Variants in LNPEP observed in about 807,000 individuals in gnomAD.
LNPEP encodes the protein leucyl and cystinyl aminopeptidase, also known as leucyl-cystinyl aminopeptidase.
Under a neutral mutation model 120.6 loss-of-function variants are expected in LNPEP, and 64 were observed. The ratio of observed to expected loss-of-function variants is 0.53; its 90% CI spans 0.43 to 0.65. The LOEUF is 0.65. Among genes scored for constraint, LNPEP ranks in the 30% least tolerant of loss-of-function variants. The pLI, the probability that LNPEP is intolerant of heterozygous loss-of-function variation, is 0.00. For synonymous variants in LNPEP, 435 were observed against 425.4 expected (o/e 1.02, Z -0.28); for missense variants, 1,057 against 1,200.0 (o/e 0.88, Z 1.76).
rs1791545683 is a variant in LNPEP, at chr5:97,034,985, G to T, written c.*6452G>T. ...ATATACTATACACACACATTTTAAT[G>T]TATATAAATATTTGCTACATTCTGT... On this transcript the variant is annotated 3_prime_UTR_variant, in exon 18 of 18. Transcript: ENST00000231368. 1 of 152,090 alleles carries T rather than the reference G, an allele frequency of 6.6e-6. No individual in the cohort carries two copies. Among genetic ancestry groups the T allele is most frequent in the East Asian group, 1.9e-4 (1 of 5,180 alleles). 9.4% of individuals were successfully genotyped at this position (152,090 alleles called of 1,614,324 possible). A position where few individuals can be genotyped will look rare whatever the true frequency, so the allele number is the denominator to read the frequency against.
intron 11 of LNPEP, among the ~76,000 whole-genome samples, chr5:97,013,122 A>G (rs1294156465): frequency 6.6e-6 from 1 of 152,080 alleles, no homozygotes; most frequent in Non-Finnish European, 1.5e-5. Flanking sequence ...CAGTGCATGG[A>G]TAACATGTAT....
At chr5:96,973,953 C>T (rs530353217) in intron 1 of LNPEP, among the ~76,000 whole-genome samples, 1 of 152,092 alleles carries the variant, frequency 6.6e-6, no homozygotes, top group South Asian at 2.1e-4. Flanking sequence ...GTAAATTTGC[C>T]TTCTCACCAC....
chr5:97,014,006 A>G (rs1791000781), intron 12 of LNPEP, among the ~76,000 whole-genome samples, 175 bp downstream of exon 12: 1 of 152,178 alleles, frequency 6.6e-6, no homozygotes, highest in African/African-American at 2.4e-5. Flanking sequence ...AACATTAGCT[A>G]CGAACATACT....
At chr5:96,997,606 C>T (rs1466653578) in intron 7 of LNPEP, among the ~76,000 whole-genome samples, 4 of 152,010 alleles carry the variant, frequency 2.6e-5, no homozygotes, top group Non-Finnish European at 5.9e-5. Context: ...AAATTCTAGA[C>T]TATATATAAG....
At chr5:97,014,893 C>G (rs1791026691) in intron 12 of LNPEP, 46 bp from the exon 13 acceptor site, 1 of 1,356,652 alleles carries the variant, frequency 7.4e-7, no homozygotes, top group Admixed American at 2.5e-5. Context: ...TAGACTTCTT[C>G]TGTGTGTCTC....
chr5:96,991,973 C>A (rs989917515), intron 4 of LNPEP, among the ~76,000 whole-genome samples: 1 of 152,046 alleles, frequency 6.6e-6, no homozygotes, highest in Non-Finnish European at 1.5e-5. Context: ...TCTACTGTGT[C>A]TAATCTACAT....
At chr5:96,947,523 C>G (rs534170997) in intron 1 of LNPEP, among the ~76,000 whole-genome samples, 1 of 152,152 alleles carries the variant, frequency 6.6e-6, no homozygotes, top group East Asian at 1.9e-4. Flanking sequence ...TGCTATTTGT[C>G]TGTTTTTTAG....
rs193169736 is a variant in LNPEP, at chr5:97,026,707, C to T, written c.2814C>T (p.His938=). The part of the protein sequence containing the change: ...IRTVGRHFPG[H]LLAWDFVKEN... Reference sequence around the variant, plus strand: ...CAGTGGGTCGACATTTTCCTGGACACTTACTGGCATGGGATTTTGTCAAAG... The same window carrying T: ...CAGTGGGTCGACATTTTCCTGGACATTTACTGGCATGGGATTTTGTCAAAG... Residue 938 remains histidine (H), a synonymous_variant, in exon 16 of 18, where the codon CAC becomes CAT. Coordinates refer to ENST00000231368, the MANE Select transcript of LNPEP (RefSeq NM_005575.3). 4 of 1,613,388 alleles carry T rather than the reference C, an allele frequency of 2.5e-6. No homozygotes were observed. The African/African-American group carries it at 5.3e-5, about 22-fold the overall frequency.
chr5:96,948,400 G>A (rs1433427331), intron 1 of LNPEP, among the ~76,000 whole-genome samples: 2 of 152,238 alleles, frequency 1.3e-5, no homozygotes, highest in African/African-American at 4.8e-5. Flanking sequence ...TTACAGGCGT[G>A]AGCCACCACG....
In LNPEP at chr5:97,030,170, A is replaced by C. The variant is rs1791440070; in HGVS notation, c.*1637A>C. The C allele has an allele frequency of 6.6e-6, 1 of 152,026 alleles. No homozygotes were observed. Among genetic ancestry groups the C allele is most frequent in the Admixed American group, 6.5e-5 (1 of 15,278 alleles). 9.4% of individuals were successfully genotyped at this position (152,026 alleles called of 1,614,324 possible). On this transcript the variant is annotated 3_prime_UTR_variant, in exon 18 of 18. Transcript: ENST00000231368. Reference sequence around the variant, plus strand: ...ATTTAAAAGGCTGGTAAGCTAAAAAAATAGTCTTCTTTAATCCTAGTGTGT... The same window carrying C: ...ATTTAAAAGGCTGGTAAGCTAAAAACATAGTCTTCTTTAATCCTAGTGTGT...
intron 1 of LNPEP, among the ~76,000 whole-genome samples, chr5:96,943,426 A>G (rs937018560): frequency 6.6e-6 from 1 of 152,146 alleles, no homozygotes; most frequent in Admixed American, 6.5e-5. Context: ...AACTGGGACC[A>G]CAGGTGCACA....
At chr5:96,985,773 G>T (rs77655175) in intron 3 of LNPEP, among the ~76,000 whole-genome samples, 1,828 of 144,432 alleles carry the variant, frequency 0.013, 43 homozygotes, top group East Asian at 0.07. Flanking sequence ...TTTTTTTTTG[G>T]TCTTAGACAC....
intron 16 of LNPEP, 107 bp from the exon 17 acceptor site, chr5:97,027,626 G>T: frequency 1.4e-6 from 1 of 696,948 alleles, no homozygotes; most frequent in East Asian, 2.6e-5. Context: ...GTTCCGGGAG[G>T]AGGATTCCAC....
At chr5:96,940,400 A>G (rs1789023206) in intron 1 of LNPEP, among the ~76,000 whole-genome samples, 1 of 151,952 alleles carries the variant, frequency 6.6e-6, no homozygotes, top group South Asian at 2.1e-4. Context: ...TATCTTTTGA[A>G]TGCCCATTTA....
intron 11 of LNPEP, among the ~76,000 whole-genome samples, chr5:97,012,967 TC>T (rs1368846580): frequency 1.3e-5 from 2 of 152,188 alleles, no homozygotes; most frequent in Non-Finnish European, 2.9e-5. Flanking sequence ...TGTTTGTTCT[TC>T]CTTTGCTAAC....
chr5:96,976,394 A>G (rs1222001108), intron 1 of LNPEP, among the ~76,000 whole-genome samples: 1 of 152,206 alleles, frequency 6.6e-6, no homozygotes, highest in Non-Finnish European at 1.5e-5. Flanking sequence ...TTAGGCAGGC[A>G]TCTGACTAAG....
At position 97,013,270 on chromosome 5, in the gene LNPEP, C is replaced by T. The variant is rs558707117; in HGVS notation, c.2036-378C>T. Among the ~76,000 whole-genome samples the T allele has an allele frequency of 7.9e-5, 12 of 152,218 alleles. No individual in the cohort carries two copies. The South Asian group carries it at 2.3e-3, about 29-fold the overall frequency. On this transcript the variant is annotated intron_variant, in intron 11 of 17. Transcript: ENST00000231368. ...TCCAAGAAATCGCTCCTAACTTTCC[C>T]TAGGAGAGGGAAGCATTTTTTCTAT...
chr5:96,980,028 C>T lies in LNPEP; in HGVS notation c.860+50C>T, dbSNP rs967522041. The T allele has an allele frequency of 2.0e-6, 3 of 1,499,732 alleles. No homozygotes were observed. In the South Asian group the frequency reaches 4.0e-5, roughly 20 times the overall value. The allele number at this position is 1,499,732 out of a possible 1,614,324, so 92.9% of individuals were successfully genotyped here. A position where few individuals can be genotyped will look rare whatever the true frequency, so the allele number is the denominator to read the frequency against. On this transcript the variant is annotated intron_variant, in intron 2 of 17. Transcript: ENST00000231368. The stretch of plus-strand genomic sequence containing the variant: ...TGGTTTTACGCTCTGATAACTTCTG[C>T]AATATAGATCCCTTTGTCCACACCA...
chr5:97,003,063 C>A (rs1311366155), intron 8 of LNPEP, among the ~76,000 whole-genome samples: 1 of 152,084 alleles, frequency 6.6e-6, no homozygotes, highest in African/African-American at 2.4e-5. Context: ...GGTGTAGGTG[C>A]CACAGAAAAT....
Sources: gnomAD v4.1 joint callset for allele counts (sites outside exome capture counted in the v4.1 genomes callset) on GRCh38, gnomAD v4.1.1 for gene constraint, MANE v1.5 for transcripts, NCBI Gene and HGNC (gene_info 2026-07-23, HGNC 2026-07-21) for gene names.